ANTXR2: variants seen among roughly 807,000 people sequenced by gnomAD.
ANTXR2 encodes ANTXR cell adhesion molecule 2.
Under a neutral mutation model 73.7 loss-of-function variants are expected in ANTXR2, and 44 were observed. That is an observed-to-expected ratio of 0.60 (90% CI 0.47 to 0.77). ANTXR2 has a LOEUF of 0.77. Among genes scored for constraint, ANTXR2 ranks in the 30% least tolerant of loss-of-function variants. The pLI is 0.00. For synonymous variants in ANTXR2, 217 were observed against 205.9 expected, an observed-to-expected ratio of 1.05 and a Z score of -0.46; for missense variants, 604 against 592.5, an observed-to-expected ratio of 1.02 and a Z score of -0.20.
intron 16 of ANTXR2, among the ~76,000 whole-genome samples, chr4:79,926,887 A>G (rs935179595): frequency 2.6e-5 from 4 of 152,134 alleles, no homozygotes; most frequent in South Asian, 4.1e-4. Context: ...GTGTATATAT[A>G]TGTGTGTATA....
rs535287605 is a variant in ANTXR2 at position 79,974,787 on chromosome 4, G to A, written c.1428+2834C>T. Among the ~76,000 whole-genome samples, 7 of 149,134 alleles carry A rather than the reference G, an allele frequency of 4.7e-5. No homozygotes were observed. In the South Asian group the frequency reaches 8.5e-4, roughly 18 times the overall value. On this transcript the variant is annotated intron_variant, in intron 16 of 16. Coordinates refer to ENST00000403729, the MANE Select transcript of ANTXR2 (RefSeq NM_058172.6). ...TGAGCATATTGATTAAAAAAAAAAA[G>A]AAAAAGGAAGAAAATCTTGGTCAAA...
At position 79,975,977 on chromosome 4, in the gene ANTXR2, AT is replaced by A. The variant is rs1729611976; in HGVS notation, c.1428+1643del. Among the ~76,000 whole-genome samples the A allele has an allele frequency of 2.0e-5, 3 of 149,218 alleles. No homozygotes were observed. In the East Asian group the frequency reaches 6.1e-4, roughly 30 times the overall value. On this transcript the variant is annotated intron_variant, in intron 16 of 16. Coordinates refer to ENST00000403729, the MANE Select transcript of ANTXR2 (RefSeq NM_058172.6). ...GCCCAGGCTGGAGTGCAGTGGCAAG[AT>A]CTCGGCTCACTGCAAGCTCCGCCTC... is the stretch of plus-strand genomic sequence containing the variant.
chr4:80,005,148 T>C (rs535908093), intron 12 of ANTXR2, among the ~76,000 whole-genome samples: 6 of 152,276 alleles, frequency 3.9e-5, no homozygotes, highest in African/African-American at 1.4e-4. Context: ...TTGAGATTTC[T>C]ATTCAGGGAG....
chr4:80,046,153 A>C (rs554687525), intron 7 of ANTXR2, among the ~76,000 whole-genome samples: 2 of 151,940 alleles, frequency 1.3e-5, no homozygotes, highest in South Asian at 4.1e-4. Flanking sequence ...AGCTCCAAAC[A>C]AAACAGATGG....
intron 16 of ANTXR2, among the ~76,000 whole-genome samples, chr4:79,959,408 CTT>C (rs1729061188): frequency 1.3e-5 from 2 of 152,080 alleles, no homozygotes; most frequent in African/African-American, 2.4e-5. Flanking sequence ...TGATACCTCT[CTT>C]ATGAATCACT....
chr4:80,055,501 T>C, intron 4 of ANTXR2, 34 bp from the exon 5 acceptor site: 1 of 1,545,394 alleles, frequency 6.5e-7, no homozygotes, highest in Non-Finnish European at 8.9e-7. Flanking sequence ...AACTCACAAT[T>C]TAATTTTAAC....
intron 12 of ANTXR2, among the ~76,000 whole-genome samples, chr4:79,994,809 C>A (rs1202399789): frequency 6.6e-6 from 1 of 151,946 alleles, no homozygotes; most frequent in Non-Finnish European, 1.5e-5. Flanking sequence ...GGTCCTTTAT[C>A]TAATATAAAC....
intron 12 of ANTXR2, among the ~76,000 whole-genome samples, chr4:80,007,456 AC>A (rs1314141210): frequency 6.6e-6 from 1 of 152,006 alleles, no homozygotes; most frequent in African/African-American, 2.4e-5. Context: ...GTAGAATGAT[AC>A]CCCCCACCAA....
At chr4:79,960,342 T>A (rs1205641927) in intron 16 of ANTXR2, among the ~76,000 whole-genome samples, 18 of 152,182 alleles carry the variant, frequency 1.2e-4, no homozygotes, top group Admixed American at 1.2e-3. Context: ...ATTTTCAGTA[T>A]ACTAACCTGC....
intron 11 of ANTXR2, among the ~76,000 whole-genome samples, chr4:80,011,896 G>C (rs990832216): frequency 6.6e-6 from 1 of 152,178 alleles, no homozygotes; most frequent in Non-Finnish European, 1.5e-5. Context: ...TGTGTCATCT[G>C]CATCTAATTT....
intron 1 of ANTXR2, 139 bp downstream of exon 1, chr4:80,072,270 G>T: frequency 1.0e-6 from 1 of 1,001,070 alleles, no homozygotes; most frequent in Non-Finnish European, 1.4e-6. Context: ...CTTGCCCTTT[G>T]AAAGAAGACA....
At chr4:79,947,325 TGTTA>T (rs1363683372) in intron 16 of ANTXR2, among the ~76,000 whole-genome samples, 31 of 152,314 alleles carry the variant, frequency 2.0e-4, no homozygotes, top group African/African-American at 7.2e-4. Context: ...TGTTCTTGCA[TGTTA>T]GTTCAGTGAG....
chr4:79,931,449 TTCTCTCTCTCTCTCTCTCTC>T (rs142694925), intron 16 of ANTXR2, among the ~76,000 whole-genome samples: 6 of 134,088 alleles, frequency 4.5e-5, no homozygotes, highest in African/African-American at 2.1e-4. Flanking sequence ...TCCTCGCTTC[TTCTCTCTCTCTCTCTCTCTC>T]TCTCTCTCTC....
At chr4:80,048,847 C>A (rs1733639839) in intron 7 of ANTXR2, among the ~76,000 whole-genome samples, 1 of 151,664 alleles carries the variant, frequency 6.6e-6, no homozygotes, top group African/African-American at 2.4e-5. Context: ...TGAAATGAAG[C>A]TTATATCTCC....
At chr4:79,995,022 C>T (rs1254694067) in intron 12 of ANTXR2, among the ~76,000 whole-genome samples, 1 of 151,988 alleles carries the variant, frequency 6.6e-6, no homozygotes, top group Non-Finnish European at 1.5e-5. Flanking sequence ...TGATCATTTT[C>T]CTGTTAGGTC....
intron 3 of ANTXR2, among the ~76,000 whole-genome samples, chr4:80,063,991 T>C (rs2110118007): frequency 6.6e-6 from 1 of 152,304 alleles, no homozygotes; most frequent in South Asian, 2.1e-4. Context: ...ACTACCAAGC[T>C]TCCTCTAAAA....
At chr4:79,982,019 A>C (rs1015550988) in intron 14 of ANTXR2, among the ~76,000 whole-genome samples, 2 of 152,196 alleles carry the variant, frequency 1.3e-5, no homozygotes, top group Non-Finnish European at 2.9e-5. Context: ...CTTTTAACTC[A>C]GGACCCATTC....
Position 79,904,696 on chromosome 4 carries a change from T to G in ANTXR2, c.*2733A>C, listed in dbSNP as rs1726836465. ...GGAGTCATTTCCCACTTAATTGTTT[T>G]TGCAACCTTATGCAACACGAATGGA... is the stretch of plus-strand genomic sequence containing the variant. On this transcript the variant is annotated 3_prime_UTR_variant, in exon 17 of 17. Coordinates refer to ENST00000403729, the MANE Select transcript of ANTXR2 (RefSeq NM_058172.6). 1.3e-5 allele frequency: 2 copies of G among 152,168 alleles called. No homozygotes were observed. The highest frequency in any genetic ancestry group is 6.5e-5 in the Admixed American group (1 of 15,270). The allele number at this position is 152,168 out of a possible 1,614,324, so 9.4% of individuals were successfully genotyped here.
At chr4:79,959,460 AAT>A in intron 16 of ANTXR2, among the ~76,000 whole-genome samples, 1 of 152,268 alleles carries the variant, frequency 6.6e-6, no homozygotes, top group Non-Finnish European at 1.5e-5. Flanking sequence ...TTATATTCTT[AAT>A]TATAATAAAA....
Sources: gnomAD v4.1 joint callset for allele counts (sites outside exome capture counted in the v4.1 genomes callset) on GRCh38, gnomAD v4.1.1 for gene constraint, MANE v1.5 for transcripts, NCBI Gene and HGNC (gene_info 2026-07-23, HGNC 2026-07-21) for gene names.